The following CSNK1G1 variants were observed in gnomAD, a reference collection of about 807,000 sequenced individuals.
CSNK1G1 encodes the protein casein kinase 1 gamma 1.
Under a neutral mutation model 59.6 loss-of-function variants are expected in CSNK1G1, and 22 were observed. That is an observed-to-expected ratio of 0.37 (90% CI 0.26 to 0.53). The LOEUF (loss-of-function observed/expected upper bound fraction) is 0.53, where lower values mean the gene tolerates loss of function less well. Among genes scored for constraint, CSNK1G1 ranks in the 20% least tolerant of loss-of-function variants. The probability of loss-of-function intolerance (pLI) is 0.89; values close to 1 mark genes in which losing one functional copy is unlikely to be tolerated. For synonymous variants in CSNK1G1, 179 were observed against 177.1 expected (o/e 1.01, Z -0.08); for missense variants, 384 against 519.5 (o/e 0.74, Z 2.54).
chr15:64,203,251 G>T, intron 9 of CSNK1G1, 62 bp from the exon 10 acceptor site: 2 of 1,001,170 alleles, frequency 2.0e-6, no homozygotes, highest in Non-Finnish European at 3.2e-6. Context: ...CATATGCAAA[G>T]GACAGAATGA....
intron 3 of CSNK1G1, among the ~76,000 whole-genome samples, chr15:64,254,353 CT>C (rs564370323): frequency 4.1e-3 from 555 of 135,124 alleles, no homozygotes; most frequent in South Asian, 4.5e-3. Context: ...TGCCATTGAA[CT>C]TTTTTTTTTT....
At chr15:64,338,823 G>A (rs1281952716) in intron 1 of CSNK1G1, among the ~76,000 whole-genome samples, 1 of 150,574 alleles carries the variant, frequency 6.6e-6, no homozygotes, top group African/African-American at 2.4e-5. Flanking sequence ...TTCGAGACCA[G>A]CCTGACCAAC....
chr15:64,179,881 T>C (rs2081789103), intron 11 of CSNK1G1, among the ~76,000 whole-genome samples: 1 of 152,200 alleles, frequency 6.6e-6, no homozygotes, highest in African/African-American at 2.4e-5. Flanking sequence ...TTGCCTGACT[T>C]AGTCTCTCTG....
intron 4 of CSNK1G1, among the ~76,000 whole-genome samples, chr15:64,246,898 C>T (rs1349847576): frequency 6.6e-6 from 1 of 152,108 alleles, no homozygotes; most frequent in Non-Finnish European, 1.5e-5. Flanking sequence ...GCTGACTCAT[C>T]CCCTCCCTCC....
intron 4 of CSNK1G1, among the ~76,000 whole-genome samples, chr15:64,219,291 T>C (rs550819862): frequency 7.9e-4 from 120 of 152,368 alleles, no homozygotes; most frequent in African/African-American, 2.8e-3. Context: ...AGAGATTTAC[T>C]GCTTTTATTA....
rs2140465313 is a variant in CSNK1G1, at chr15:64,335,467, C to T, written c.-225+20521G>A. Among the ~76,000 whole-genome samples, 3 of 152,228 alleles carry T rather than the reference C, an allele frequency of 2.0e-5. No homozygotes were observed. In the Middle Eastern group the frequency reaches 0.01, roughly 518 times the overall value. ...TGCACTTTGGTAACAAAGTCAGTCACCATGACTGCCTATAGAAACACAAAA... is the reference window on the plus strand; with the variant it reads ...TGCACTTTGGTAACAAAGTCAGTCATCATGACTGCCTATAGAAACACAAAA... On this transcript the variant is annotated intron_variant, in intron 1 of 11. Transcript: ENST00000303052.
chr15:64,199,766 T>C (rs1596081736), intron 10 of CSNK1G1, among the ~76,000 whole-genome samples: 1 of 150,722 alleles, frequency 6.6e-6, no homozygotes, highest in African/African-American at 2.4e-5. Flanking sequence ...GGCAGGAGAG[T>C]TGCTCGAACC....
At chr15:64,201,185 T>C (rs1304769530) in intron 10 of CSNK1G1, among the ~76,000 whole-genome samples, 2 of 150,564 alleles carry the variant, frequency 1.3e-5, no homozygotes, top group Non-Finnish European at 1.5e-5. Context: ...GACAGGAGAA[T>C]TGCTTGAATC....
At chr15:64,172,899 AC>A (rs1283993936) in intron 11 of CSNK1G1, among the ~76,000 whole-genome samples, 2 of 152,130 alleles carry the variant, frequency 1.3e-5, no homozygotes, top group African/African-American at 4.8e-5. Context: ...AGGAAGTATC[AC>A]TCTTGCTCAG....
chr15:64,305,715 C>T (rs1017499147), intron 1 of CSNK1G1, among the ~76,000 whole-genome samples: 3 of 107,626 alleles, frequency 2.8e-5, no homozygotes, highest in African/African-American at 1.0e-4. Flanking sequence ...AAAACAAAAA[C>T]AAAAACAAAA....
intron 7 of CSNK1G1, 42 bp from the exon 8 acceptor site, chr15:64,204,991 T>G (rs762534398): frequency 5.4e-6 from 6 of 1,106,222 alleles, no homozygotes; most frequent in Non-Finnish European, 6.8e-6. Flanking sequence ...AAAGAGGGCC[T>G]AAACATGGGA....
intron 2 of CSNK1G1, among the ~76,000 whole-genome samples, chr15:64,277,562 AT>A (rs1893711480): frequency 7.5e-6 from 1 of 133,262 alleles, no homozygotes; most frequent in Admixed American, 7.9e-5. Context: ...AAATAATAAA[AT>A]TTAATATAAT....
At chr15:64,349,926 A>G (rs1898190071) in intron 1 of CSNK1G1, among the ~76,000 whole-genome samples, 1 of 151,990 alleles carries the variant, frequency 6.6e-6, no homozygotes. Flanking sequence ...TTAAAAAAAA[A>G]AAAAAAATTA....
intron 10 of CSNK1G1, among the ~76,000 whole-genome samples, chr15:64,201,696 T>C (rs1306842067): frequency 2.1e-5 from 3 of 146,148 alleles, no homozygotes; most frequent in Non-Finnish European, 4.5e-5. Flanking sequence ...GTGGGTGTAC[T>C]CCATTGGACA....
chr15:64,191,874 A>T (rs558484982), intron 10 of CSNK1G1, among the ~76,000 whole-genome samples: 3 of 152,208 alleles, frequency 2.0e-5, no homozygotes, highest in African/African-American at 7.2e-5. Flanking sequence ...TTTCGGTAAG[A>T]TGTTAAATTC....
chr15:64,290,277 C>T (rs928889592), intron 2 of CSNK1G1, among the ~76,000 whole-genome samples: 3 of 151,902 alleles, frequency 2.0e-5, no homozygotes, highest in Admixed American at 1.3e-4. Flanking sequence ...GCCAAAAATA[C>T]GGAAACAAGT....
intron 1 of CSNK1G1, among the ~76,000 whole-genome samples, chr15:64,323,273 G>T (rs910656519): frequency 1.3e-5 from 2 of 151,704 alleles, no homozygotes; most frequent in East Asian, 3.9e-4. Flanking sequence ...AAAAGCTGTG[G>T]TTTAAAATCT....
rs2081792691 is a variant in CSNK1G1, at chr15:64,180,136, A to G, written c.1214+212T>C. 10 of 542,046 alleles carry G rather than the reference A, an allele frequency of 1.8e-5. No individual in the cohort carries two copies. The South Asian group carries it at 2.0e-4, about 11-fold the overall frequency. The allele number at this position is 542,046 out of a possible 1,614,324, so 33.6% of individuals were successfully genotyped here. On this transcript the variant is annotated intron_variant, in intron 11 of 11. Transcript: ENST00000303052. ...GGTTCACTATGTCTTTTTCATGTGA[A>G]CTAGAAAAATGTGACTGTCTTCCCC...
chr15:64,322,400 A>G (rs1299458597), intron 1 of CSNK1G1, among the ~76,000 whole-genome samples: 1 of 151,884 alleles, frequency 6.6e-6, no homozygotes, highest in African/African-American at 2.4e-5. Context: ...CCAAGGTCTT[A>G]CTACATTGCC....
Sources: allele counts gnomAD v4.1 joint callset (sites outside exome capture counted in the v4.1 genomes callset), GRCh38; gene constraint gnomAD v4.1.1; transcripts MANE v1.5; gene names NCBI Gene and HGNC (gene_info 2026-07-23, HGNC 2026-07-21).